PWWP3A: variants seen among roughly 807,000 people sequenced by gnomAD.
PWWP3A encodes PWWP domain containing 3A, DNA repair factor, also known as PWWP domain-containing DNA repair factor 3A.
In PWWP3A, 53 loss-of-function variants were observed where a neutral mutation model predicts 79.0. The ratio of observed to expected loss-of-function variants is 0.67; its 90% CI spans 0.54 to 0.84. The LOEUF (loss-of-function observed/expected upper bound fraction) is 0.84, where lower values mean the gene tolerates loss of function less well. Among genes scored for constraint, PWWP3A ranks in the 40% least tolerant of loss-of-function variants. The pLI, the probability that PWWP3A is intolerant of heterozygous loss-of-function variation, is 0.00. For missense variants in PWWP3A, 973 were observed against 948.0 expected, an observed-to-expected ratio of 1.03 and a Z score of -0.35; for synonymous variants, 443 against 394.4, an observed-to-expected ratio of 1.12 and a Z score of -1.46.
chr19:1,361,149 A>G, intron 5 of PWWP3A, 117 bp downstream of exon 5: 1 of 1,039,612 alleles, frequency 9.6e-7, no homozygotes, highest in Admixed American at 3.8e-5. Flanking sequence ...ATCGTTGCCA[A>G]AATAGACTTA....
At chr19:1,371,271 G>A (rs1219920310) in intron 12 of PWWP3A, 193 bp downstream of exon 12, 9 of 751,194 alleles carry the variant, frequency 1.2e-5, no homozygotes, top group East Asian at 5.3e-5. Flanking sequence ...GACCCTGTGC[G>A]GAGACGGAGC....
intron 6 of PWWP3A, chr19:1,364,185 TC>T: frequency 1.8e-6 from 1 of 555,646 alleles, no homozygotes; most frequent in Middle Eastern, 3.0e-4. Flanking sequence ...GTTAGGAAAG[TC>T]GCGCACACAT....
At chr19:1,372,766 C>T (rs992148157) in intron 12 of PWWP3A, 4 of 282,300 alleles carry the variant, frequency 1.4e-5, no homozygotes, top group East Asian at 7.2e-5. Flanking sequence ...CAGAAAAAAC[C>T]GCCACCAAAA....
In PWWP3A at chr19:1,367,188, C is replaced by T. The variant is rs752853213; in HGVS notation, c.1390C>T (p.His464Tyr). ...GFTVSLKSLK[H>Y]FDCKEKQTLL... ...CACAGTGTCTCTTAAAAGTTTAAAG[C>T]ACTTTGATTGTAAAGAGAAACAGAC... Residue 464 changes from histidine to tyrosine, a missense_variant, in exon 9 of 14, where the codon CAC becomes TAC. Transcript: ENST00000591337. 3 of 1,613,198 alleles carry T rather than the reference C, an allele frequency of 1.9e-6. No homozygotes were observed. The highest frequency in any genetic ancestry group is 2.5e-6 in the Non-Finnish European group (3 of 1,179,604).
chr19:1,357,166 C>T, intron 3 of PWWP3A, 72 bp downstream of exon 3: 1 of 1,190,254 alleles, frequency 8.4e-7, no homozygotes. Context: ...CCTACTCCCC[C>T]AAAACAGTTG....
At chr19:1,355,212 G>T (rs991367635) in intron 1 of PWWP3A, 77 bp downstream of exon 1, 3 of 151,960 alleles carry the variant, frequency 2.0e-5, no homozygotes, top group African/African-American at 4.8e-5. Context: ...GGGGAGGGGG[G>T]GCCCCGGCCT....
In PWWP3A at chr19:1,376,716, A is replaced by G. The variant is rs1174188433; in HGVS notation, c.*140A>G. 1.1e-5 allele frequency: 7 copies of G among 663,208 alleles called. No homozygotes were observed. Among genetic ancestry groups the G allele is most frequent in the Non-Finnish European group, 1.6e-5 (6 of 384,870 alleles). The allele number at this position is 663,208 out of a possible 1,614,324, so 41.1% of individuals were successfully genotyped here. A position where few individuals can be genotyped will look rare whatever the true frequency, so the allele number is the denominator to read the frequency against. On this transcript the variant is annotated 3_prime_UTR_variant, in exon 14 of 14. Coordinates refer to ENST00000591337, the MANE Select transcript of PWWP3A (RefSeq NM_001369789.1). ...TGCGTTCTCCTGCGTGGCAGTCCTG[A>G]TTTCCATGCTTCTGGAGAATCCATT...
rs1870053925 is a variant in PWWP3A, at chr19:1,369,627, A to G, written c.1530A>G (p.Glu510=). ...GGTCTTTTGCTGGCTCTTTCCTGGA[A>G]TATTACGCGGCTGATATAAGTAAGT... ...GCGSFAGSFL[E]YYAADISYPV... is the part of the protein sequence containing the mutation. The change falls in exon 11 of 14, where the codon GAA becomes GAG. Residue 510 remains glutamate (E), a synonymous_variant. Coordinates refer to ENST00000591337, the MANE Select transcript of PWWP3A (RefSeq NM_001369789.1). This position sits in a 1 kb window ranked among gnomAD's most constrained non-coding sequence, Gnocchi z 4.0. The G allele has an allele frequency of 6.2e-7, 1 of 1,614,092 alleles. No homozygotes were observed. The highest frequency in any genetic ancestry group is 1.7e-5 in the Admixed American group (1 of 60,008).
chr19:1,375,528 T>TA (rs1568965167), intron 13 of PWWP3A, among the ~76,000 whole-genome samples: 11 of 79,042 alleles, frequency 1.4e-4, no homozygotes, highest in African/African-American at 2.9e-4. Flanking sequence ...AATCATATAA[T>TA]TTATATATTT....
rs377317429 is a variant in PWWP3A at position 1,373,173 on chromosome 19, C to T, written c.2075+13C>T. 5.3e-5 allele frequency: 86 copies of T among 1,610,402 alleles called. No individual in the cohort carries two copies. Among genetic ancestry groups the T allele is most frequent in the Middle Eastern group, 1.7e-4 (1 of 6,040 alleles). On this transcript the variant is annotated intron_variant, in intron 13 of 13. Transcript: ENST00000591337. ...CGCTGAGCTACCGGTAGGCCGCTCC[C>T]GGCGCTATCTCCAGCCACTTGCGTC... is the stretch of plus-strand genomic sequence containing the variant.
rs746108774 is a variant in PWWP3A at position 1,370,729 on chromosome 19, T to C, written c.1637T>C (p.Val546Ala). The change falls in exon 12 of 14, where the codon GTG becomes GCG. Residue 546 changes from valine (V) to alanine (A), a missense_variant. Coordinates refer to ENST00000591337, the MANE Select transcript of PWWP3A (RefSeq NM_001369789.1). ...AAGGGGAGCCCCGAGGAGCCCGTGGTGGGGTGCCCCCTGGGGCAGAGGCAG... is the reference window on the plus strand; with the variant it reads ...AAGGGGAGCCCCGAGGAGCCCGTGGCGGGGTGCCCCCTGGGGCAGAGGCAG... ...LSKGSPEEPV[V>A]GCPLGQRQPC... 6.8e-7 allele frequency: 1 copy of C among 1,474,314 alleles called. No homozygotes were observed. Among genetic ancestry groups the C allele is most frequent in the Non-Finnish European group, 9.0e-7 (1 of 1,110,176 alleles). The allele number at this position is 1,474,314 out of a possible 1,614,324, so 91.3% of individuals were successfully genotyped here.
At position 1,370,490 on chromosome 19, in the gene PWWP3A, C is replaced by T. The variant is rs1344863212; in HGVS notation, c.1550-152C>T. The stretch of plus-strand genomic sequence containing the variant: ...CCAGCAGAGGAAGTGTCTTTAGGAG[C>T]GTGAATGCTCCACTCCCGTGCTAAC... On this transcript the variant is annotated intron_variant, in intron 11 of 13. Coordinates refer to ENST00000591337, the MANE Select transcript of PWWP3A (RefSeq NM_001369789.1). 1.2e-5 allele frequency: 8 copies of T among 644,734 alleles called. No homozygotes were observed. The Admixed American group carries it at 1.5e-4, about 12-fold the overall frequency. The allele number at this position is 644,734 out of a possible 1,614,324, so 39.9% of individuals were successfully genotyped here.
chr19:1,375,463 TTA>T (rs1358742097), intron 13 of PWWP3A, among the ~76,000 whole-genome samples: 1 of 131,744 alleles, frequency 7.6e-6, no homozygotes, highest in Non-Finnish European at 1.6e-5. Context: ...ATAATGTATA[TTA>T]TATAAAATTT....
intron 1 of PWWP3A, among the ~76,000 whole-genome samples, chr19:1,355,722 C>CCTA (rs2081843144): frequency 2.0e-5 from 3 of 151,984 alleles, no homozygotes; most frequent in South Asian, 4.2e-4. Flanking sequence ...AAACGCCACC[C>CCTA]CTACCTCTGC....
chr19:1,358,757 G>C, intron 4 of PWWP3A: 1 of 1,176,690 alleles, frequency 8.5e-7, no homozygotes, highest in Non-Finnish European at 1.2e-6. Context: ...GACGAGGAAG[G>C]ACTTTGCTGC....
At chr19:1,366,196 AGAGCTGGGGTCAG>A in intron 7 of PWWP3A, 96 bp from the exon 8 acceptor site, 1 of 188,294 alleles carries the variant, frequency 5.3e-6, no homozygotes, top group Non-Finnish European at 8.2e-6. Flanking sequence ...GGTCACCCCC[AGAGCTGGGGTCAG>A]CGCCTGTTAG....
rs1568968676 is a variant in PWWP3A at position 1,376,298 on chromosome 19, T to TTTG, written c.2076-219_2076-218insGTT. On this transcript the variant is annotated intron_variant, in intron 13 of 13. Coordinates refer to ENST00000591337, the MANE Select transcript of PWWP3A (RefSeq NM_001369789.1). The stretch of plus-strand genomic sequence containing the variant: ...GCGCCACCACGCCCGGCTGTTTGTT[T>TTTG]TTTTTTTTGTTTGTTTTTTTTTTTT... 1.2e-4 allele frequency among the ~76,000 whole-genome samples: 11 copies of TTTG among 90,172 alleles called. 2 individuals are homozygous for TTTG. Among genetic ancestry groups the TTTG allele is most frequent in the African/African-American group, 2.5e-4 (4 of 16,062 alleles). 59.2% of individuals were successfully genotyped at this position (90,172 alleles called of 152,430 possible).
At chr19:1,361,317 C>T (rs980192707) in intron 5 of PWWP3A, among the ~76,000 whole-genome samples, 2 of 152,212 alleles carry the variant, frequency 1.3e-5, no homozygotes, top group South Asian at 2.1e-4. Flanking sequence ...GTCTGCGGCG[C>T]GGCTGGGAGC....
chr19:1,373,327 G>A, intron 13 of PWWP3A, 167 bp downstream of exon 13: 1 of 632,692 alleles, frequency 1.6e-6, no homozygotes, highest in South Asian at 1.8e-5. Context: ...TCACCCTGTG[G>A]GTCACTCCTG....
Sources: gnomAD v4.1 joint callset for allele counts (sites outside exome capture counted in the v4.1 genomes callset) on GRCh38, gnomAD v4.1.1 for gene constraint, Gnocchi (gnomAD v3.1) non-coding constraint, MANE v1.5 for transcripts, NCBI Gene and HGNC (gene_info 2026-07-23, HGNC 2026-07-21) for gene names.